USP13: variants seen among roughly 807,000 people sequenced by gnomAD.
USP13 encodes the protein ubiquitin carboxyl-terminal hydrolase 13.
Under a neutral mutation model 107.8 loss-of-function variants are expected in USP13, and 68 were observed. The ratio of observed to expected loss-of-function variants is 0.63; its 90% CI spans 0.52 to 0.77. The LOEUF is 0.77. Ranked by LOEUF, USP13 falls within the 30% of genes least tolerant of loss-of-function variation. The pLI is 0.00. For missense variants in USP13, 945 were observed against 1,093.3 expected (o/e 0.86, Z 1.91); for synonymous variants, 377 against 389.5 (o/e 0.97, Z 0.38).
chr3:179,722,201 C>T (rs1713349598), intron 8 of USP13, among the ~76,000 whole-genome samples: 1 of 152,170 alleles, frequency 6.6e-6, no homozygotes, highest in Non-Finnish European at 1.5e-5. Flanking sequence ...AGCACATCTG[C>T]CAATTCCCTC....
chr3:179,756,983 G>A, intron 15 of USP13, 69 bp from the exon 16 acceptor site: 1 of 1,556,866 alleles, frequency 6.4e-7, no homozygotes, highest in East Asian at 2.2e-5. Flanking sequence ...TGGATCAATG[G>A]GTTTTCTTTT....
intron 4 of USP13, among the ~76,000 whole-genome samples, chr3:179,703,549 A>T (rs1174948345): frequency 6.6e-6 from 1 of 152,160 alleles, no homozygotes; most frequent in Non-Finnish European, 1.5e-5. Flanking sequence ...TGACATCAGG[A>T]ATTGGAGCAG....
intron 10 of USP13, among the ~76,000 whole-genome samples, chr3:179,735,401 T>C (rs1713960779): frequency 6.6e-6 from 1 of 151,854 alleles, no homozygotes; most frequent in South Asian, 2.1e-4. Context: ...GGAACTGCCT[T>C]GTCCAGAGCC....
Position 179,654,935 on chromosome 3 carries a change from T to C in USP13, c.168+1542T>C, listed in dbSNP as rs180693357. Among the ~76,000 whole-genome samples, 40 of 152,148 alleles carry C rather than the reference T, an allele frequency of 2.6e-4. No individual in the cohort carries two copies. In the East Asian group the frequency reaches 7.5e-3, roughly 29 times the overall value. ...CTAACTTAATTTTTGATTGTTTACT[T>C]TTTTTTTCTTTCGAAAAGATCCACA... On this transcript the variant is annotated intron_variant, in intron 1 of 20. Transcript: ENST00000263966.
intron 1 of USP13, among the ~76,000 whole-genome samples, chr3:179,668,413 T>C (rs978512417): frequency 2.0e-5 from 3 of 152,262 alleles, no homozygotes; most frequent in Non-Finnish European, 4.4e-5. Context: ...TCTTTCCTAC[T>C]TAGTTTATGT....
intron 16 of USP13, among the ~76,000 whole-genome samples, chr3:179,760,189 A>G (rs923334507): frequency 6.6e-6 from 1 of 152,014 alleles, no homozygotes; most frequent in Admixed American, 6.6e-5. Flanking sequence ...AGATTTACAC[A>G]TACATCTCTA....
At chr3:179,720,202 G>T (rs902755612) in intron 7 of USP13, among the ~76,000 whole-genome samples, 168 bp downstream of exon 7, 1 of 152,112 alleles carries the variant, frequency 6.6e-6, no homozygotes, top group South Asian at 2.1e-4. Flanking sequence ...ATTAGTAGAT[G>T]TTTTCTTTTG....
At chr3:179,704,536 C>G (rs943065061) in intron 4 of USP13, among the ~76,000 whole-genome samples, 5 of 152,098 alleles carry the variant, frequency 3.3e-5, no homozygotes, top group Non-Finnish European at 5.9e-5. Context: ...GCTTAAAACT[C>G]TCAACGCTAC....
rs909366396 is a variant in USP13 at position 179,788,784 on chromosome 3, C to T, written c.*4643C>T. On this transcript the variant is annotated 3_prime_UTR_variant, in exon 21 of 21. Coordinates refer to ENST00000263966, the MANE Select transcript of USP13 (RefSeq NM_003940.3). ...ATGGTGTGGGGTAGGCAGTGAAATCCGTAAATAGGAAACGCAATTCTGCAA... is the reference window on the plus strand; with the variant it reads ...ATGGTGTGGGGTAGGCAGTGAAATCTGTAAATAGGAAACGCAATTCTGCAA... The T allele has an allele frequency of 1.1e-4, 17 of 152,082 alleles. No individual in the cohort carries two copies. Among genetic ancestry groups the T allele is most frequent in the African/African-American group, 2.9e-4 (12 of 41,482 alleles). 9.4% of individuals were successfully genotyped at this position (152,082 alleles called of 1,614,324 possible). A position where few individuals can be genotyped will look rare whatever the true frequency, so the allele number is the denominator to read the frequency against.
intron 13 of USP13, among the ~76,000 whole-genome samples, chr3:179,745,967 T>A (rs1714392013): frequency 6.6e-6 from 1 of 152,044 alleles, no homozygotes; most frequent in South Asian, 2.1e-4. Flanking sequence ...ACACTTCATA[T>A]CACTGCACTT....
In USP13 at chr3:179,753,183, C is replaced by T. The variant is rs376671337; in HGVS notation, c.1798+810C>T. Among the ~76,000 whole-genome samples, 168 of 152,322 alleles carry T rather than the reference C, an allele frequency of 1.1e-3. 8 individuals are homozygous for T. The South Asian group carries it at 0.034, about 31-fold the overall frequency. On this transcript the variant is annotated intron_variant, in intron 14 of 20. Transcript: ENST00000263966. ...AGAAAAAACCCAACTCAATCTTACGCTGGTTAACTAAGCACTCGTCTGAAG... is the reference window on the plus strand; with the variant it reads ...AGAAAAAACCCAACTCAATCTTACGTTGGTTAACTAAGCACTCGTCTGAAG...
chr3:179,721,798 G>T lies in USP13; in HGVS notation c.1088+209G>T, dbSNP rs904216856. ...GATAAGAAGAGCTTTGTGGCCGGGC[G>T]CAGTGTCTAACGCCTGTAATCTCAG... On this transcript the variant is annotated intron_variant, in intron 8 of 20. Transcript: ENST00000263966. This position sits in a 1 kb window ranked among gnomAD's most constrained non-coding sequence, Gnocchi z 4.3. Among the ~76,000 whole-genome samples, 1 of 152,094 alleles carries T rather than the reference G, an allele frequency of 6.6e-6. No individual in the cohort carries two copies. Among genetic ancestry groups the T allele is most frequent in the African/African-American group, 2.4e-5 (1 of 41,406 alleles).
Position 179,653,445 on chromosome 3 carries a change from T to A in USP13, c.168+52T>A, listed in dbSNP as rs575887154. 7 of 1,529,236 alleles carry A rather than the reference T, an allele frequency of 4.6e-6. No homozygotes were observed. Among genetic ancestry groups the A allele is most frequent in the Non-Finnish European group, 6.2e-6 (7 of 1,134,242 alleles). The allele number at this position is 1,529,236 out of a possible 1,614,324, so 94.7% of individuals were successfully genotyped here. ...CGCGGGGCCGGCGGCCTGCGGCACG[T>A]GAAGCCGGGGGAGAAGATGCGCAGT... On this transcript the variant is annotated intron_variant, in intron 1 of 20. Transcript: ENST00000263966. This position sits in a 1 kb window ranked among gnomAD's most constrained non-coding sequence, Gnocchi z 4.0.
At position 179,653,411 on chromosome 3, in the gene USP13, G is replaced by C; in HGVS notation, c.168+18G>C. 1.3e-6 allele frequency: 2 copies of C among 1,546,776 alleles called. No homozygotes were observed. The highest frequency in any genetic ancestry group is 1.7e-6 in the Non-Finnish European group (2 of 1,143,702). ...ACTCTCCCGTAAGTGAGGCGCCTCG[G>C]GGGAGGGTCGCGGGGCCGGCGGCCT... On this transcript the variant is annotated intron_variant, in intron 1 of 20. Transcript: ENST00000263966. This position sits in a 1 kb window ranked among gnomAD's most constrained non-coding sequence, Gnocchi z 4.0.
chr3:179,678,601 G>A lies in USP13; in HGVS notation c.169-3277G>A, dbSNP rs2108450473. 6.6e-6 allele frequency among the ~76,000 whole-genome samples: 1 copy of A among 152,014 alleles called. No homozygotes were observed. Among genetic ancestry groups the A allele is most frequent in the Non-Finnish European group, 1.5e-5 (1 of 68,000 alleles). On this transcript the variant is annotated intron_variant, in intron 1 of 20. Coordinates refer to ENST00000263966, the MANE Select transcript of USP13 (RefSeq NM_003940.3). This position sits in a 1 kb window ranked among gnomAD's most constrained non-coding sequence, Gnocchi z 4.2. The stretch of plus-strand genomic sequence containing the variant: ...TCCCACCTCAGCCTCCTAAGTAGCT[G>A]GGACAAAAGGCTGGCTAATTTTTGT...
intron 11 of USP13, among the ~76,000 whole-genome samples, chr3:179,741,835 T>G (rs1272620632): frequency 1.3e-5 from 2 of 152,274 alleles, no homozygotes; most frequent in Non-Finnish European, 2.9e-5. Context: ...AGTGTATTTA[T>G]ATAATCATAT....
chr3:179,721,727 A>G lies in USP13; in HGVS notation c.1088+138A>G, dbSNP rs1485739120. 1.1e-6 allele frequency: 1 copy of G among 905,298 alleles called. No homozygotes were observed. Among genetic ancestry groups the G allele is most frequent in the Non-Finnish European group, 1.6e-6 (1 of 611,292 alleles). The allele number at this position is 905,298 out of a possible 1,614,324, so 56.1% of individuals were successfully genotyped here. On this transcript the variant is annotated intron_variant, in intron 8 of 20. Coordinates refer to ENST00000263966, the MANE Select transcript of USP13 (RefSeq NM_003940.3). This position sits in a 1 kb window ranked among gnomAD's most constrained non-coding sequence, Gnocchi z 4.3. ...ACCTTTTCTCTGGCCTGCCTTCTAC[A>G]GAGACTGGGTGAGAACACTTGTCAA...
intron 2 of USP13, among the ~76,000 whole-genome samples, chr3:179,689,174 G>T (rs1380974711): frequency 6.6e-6 from 1 of 152,180 alleles, no homozygotes; most frequent in African/African-American, 2.4e-5. Flanking sequence ...CCCACACATG[G>T]TGGTCTGCTG....
chr3:179,749,302 T>C (rs549966909), intron 13 of USP13, among the ~76,000 whole-genome samples: 2 of 152,374 alleles, frequency 1.3e-5, no homozygotes, highest in South Asian at 4.1e-4. Flanking sequence ...CTAAGCACTT[T>C]ATATGTCTTA....
Sources: gnomAD v4.1 joint callset for allele counts (sites outside exome capture counted in the v4.1 genomes callset) on GRCh38, gnomAD v4.1.1 for gene constraint, Gnocchi (gnomAD v3.1) non-coding constraint, MANE v1.5 for transcripts, NCBI Gene and HGNC (gene_info 2026-07-23, HGNC 2026-07-21) for gene names.